Variants in ANO2 observed in about 807,000 individuals in gnomAD.
ANO2 encodes anoctamin-2.
Under a neutral mutation model 124.2 loss-of-function variants are expected in ANO2, and 101 were observed. The ratio of observed to expected loss-of-function variants is 0.81; its 90% CI spans 0.69 to 0.96. The LOEUF (loss-of-function observed/expected upper bound fraction) is 0.96. Among genes scored for constraint, ANO2 ranks in the 40% least tolerant of loss-of-function variants. The pLI, the probability that ANO2 is intolerant of heterozygous loss-of-function variation, is 0.00. For missense variants in ANO2, 1,293 were observed against 1,274.5 expected, an observed-to-expected ratio of 1.01 and a Z score of -0.22; for synonymous variants, 486 against 482.5, an observed-to-expected ratio of 1.01 and a Z score of -0.09.
intron 14 of ANO2, among the ~76,000 whole-genome samples, chr12:5,717,869 C>T (rs142143192): frequency 6.6e-6 from 1 of 152,240 alleles, no homozygotes; most frequent in South Asian, 2.1e-4. Flanking sequence ...GAACTGTTGA[C>T]TTACATCAGC....
Position 5,761,926 on chromosome 12 carries a change from C to T in ANO2, c.1056-10956G>A, listed in dbSNP as rs139551310. Among the ~76,000 whole-genome samples, 1,431 of 152,130 alleles carry T rather than the reference C, an allele frequency of 9.4e-3. 75 individuals carry two copies. Among genetic ancestry groups the T allele is most frequent in the Admixed American group, 0.085 (1,302 of 15,274 alleles). ...GCAATAATTGTCTCACATGTATGTG[C>T]TGCAAAAATAGTTAACAGGAAAATA... is the stretch of plus-strand genomic sequence containing the variant. On this transcript the variant is annotated intron_variant, in intron 10 of 24. Coordinates refer to ENST00000682330, the MANE Select transcript of ANO2 (RefSeq NM_001364791.2).
rs1333921445 is a variant in ANO2, at chr12:5,920,739, C to T, written c.534+301G>A. Among the ~76,000 whole-genome samples the T allele has an allele frequency of 5.9e-5, 9 of 152,000 alleles. No homozygotes were observed. In the South Asian group the frequency reaches 1.5e-3, roughly 25 times the overall value. ...AAAATTAGCTGGGTCTGGTGGCGGG[C>T]GCCTATAGTCCCAGCTACTCGGGAG... On this transcript the variant is annotated intron_variant, in intron 3 of 24. Transcript: ENST00000682330.
intron 11 of ANO2, among the ~76,000 whole-genome samples, chr12:5,746,015 A>T (rs1951256147): frequency 6.6e-6 from 1 of 152,206 alleles, no homozygotes; most frequent in South Asian, 2.1e-4. Flanking sequence ...CTAGTAAAAG[A>T]CGTTCGCTTT....
intron 17 of ANO2, 64 bp from the exon 18 acceptor site, chr12:5,613,022 T>G: frequency 6.6e-7 from 1 of 1,526,120 alleles, no homozygotes; most frequent in Non-Finnish European, 9.1e-7. Flanking sequence ...CTCAAGGACA[T>G]GTCTTCTGAG....
intron 14 of ANO2, among the ~76,000 whole-genome samples, chr12:5,716,692 T>C (rs778726619): frequency 6.6e-6 from 1 of 152,132 alleles, no homozygotes; most frequent in Non-Finnish European, 1.5e-5. Context: ...ATAATAAAAA[T>C]GAATTGGATG....
chr12:5,602,438 A>G (rs1188772468), intron 19 of ANO2, among the ~76,000 whole-genome samples: 6 of 149,260 alleles, frequency 4.0e-5, no homozygotes, highest in Non-Finnish European at 7.5e-5. Flanking sequence ...ATTTTTAGTA[A>G]AGACAGGGTT....
intron 14 of ANO2, among the ~76,000 whole-genome samples, chr12:5,665,967 A>G (rs930984169): frequency 2.6e-5 from 4 of 152,114 alleles, no homozygotes; most frequent in Non-Finnish European, 2.9e-5. Context: ...GAACACGCAC[A>G]AGGCAACTCT....
chr12:5,916,684 A>T (rs1307528961), intron 3 of ANO2, among the ~76,000 whole-genome samples: 2 of 151,684 alleles, frequency 1.3e-5, no homozygotes, highest in Non-Finnish European at 2.9e-5. Context: ...TTTTCTGTAC[A>T]TCTAAAACTG....
chr12:5,942,443 G>A (rs7398532), intron 1 of ANO2, among the ~76,000 whole-genome samples: 51,672 of 152,100 alleles, frequency 0.34, 11,033 homozygotes, highest in East Asian at 0.79. Context: ...CCATGAACTC[G>A]TGATATTTTA....
At chr12:5,569,934 C>T (rs1942002557) in intron 23 of ANO2, among the ~76,000 whole-genome samples, 1 of 152,120 alleles carries the variant, frequency 6.6e-6, no homozygotes, top group East Asian at 1.9e-4. Flanking sequence ...AAATTAATTA[C>T]TTTTACAATT....
In ANO2 at chr12:5,586,384, A is replaced by G. The variant is rs148611430; in HGVS notation, c.2234-7866T>C. ...GAAGATGGCAGGAGCCTCATTATCC[A>G]GTGGAATGACTCAGCGTGTGTAAAC... On this transcript the variant is annotated intron_variant, in intron 20 of 24. Coordinates refer to ENST00000682330, the MANE Select transcript of ANO2 (RefSeq NM_001364791.2). Among the ~76,000 whole-genome samples the G allele has an allele frequency of 1.2e-3, 188 of 152,350 alleles. 1 individual carries two copies. Among genetic ancestry groups the G allele is most frequent in the African/African-American group, 4.3e-3 (177 of 41,580 alleles).
rs956740371 is a variant in ANO2, at chr12:5,864,014, A to G, written c.535-9873T>C. ...AAAGGATTTTTTAAAGAGCAAGTGC[A>G]GGGATAGGCACTGTGAAATCTCTGC... On this transcript the variant is annotated intron_variant, in intron 3 of 24. Coordinates refer to ENST00000682330, the MANE Select transcript of ANO2 (RefSeq NM_001364791.2). 1.6e-4 allele frequency among the ~76,000 whole-genome samples: 25 copies of G among 152,236 alleles called. 1 individual carries two copies. The highest frequency in any genetic ancestry group is 3.7e-4 in the Non-Finnish European group (25 of 68,044).
At chr12:5,710,290 C>A (rs989095392) in intron 14 of ANO2, among the ~76,000 whole-genome samples, 8 of 152,174 alleles carry the variant, frequency 5.3e-5, no homozygotes, top group African/African-American at 1.9e-4. Flanking sequence ...AGAAAGAGGC[C>A]TGAGGCCTGA....
chr12:5,574,619 AT>A (rs1345499594), intron 23 of ANO2, among the ~76,000 whole-genome samples: 22 of 152,246 alleles, frequency 1.4e-4, no homozygotes, highest in Admixed American at 1.4e-3. Flanking sequence ...TTCATGTGAA[AT>A]AGCTCATCTT....
chr12:5,943,455 C>T (rs377080002), intron 1 of ANO2, among the ~76,000 whole-genome samples: 52 of 152,158 alleles, frequency 3.4e-4, no homozygotes, highest in African/African-American at 1.2e-3. Flanking sequence ...GGGAGTTATG[C>T]TATGAGGATG....
At chr12:5,661,542 A>C (rs1179216808) in intron 14 of ANO2, among the ~76,000 whole-genome samples, 2 of 152,110 alleles carry the variant, frequency 1.3e-5, no homozygotes, top group African/African-American at 4.8e-5. Context: ...ACAGGCCTTC[A>C]GCCCAGGAGG....
At chr12:5,651,477 A>G (rs451118) in intron 14 of ANO2, among the ~76,000 whole-genome samples, 63,786 of 151,572 alleles carry the variant, frequency 0.42, 15,504 homozygotes, top group African/African-American at 0.66. Flanking sequence ...CTGGAGTGCA[A>G]TTGCACAATC....
intron 9 of ANO2, among the ~76,000 whole-genome samples, chr12:5,801,455 G>A (rs1591633726): frequency 6.6e-6 from 1 of 152,170 alleles, no homozygotes; most frequent in South Asian, 2.1e-4. Flanking sequence ...ATTTCACGAG[G>A]AAATCTGTCA....
At chr12:5,826,004 CAT>C (rs1168402215) in intron 7 of ANO2, among the ~76,000 whole-genome samples, 1 of 152,220 alleles carries the variant, frequency 6.6e-6, no homozygotes, top group Non-Finnish European at 1.5e-5. Context: ...TGCCAATTGT[CAT>C]GAGTATTTCC....
Sources: allele counts gnomAD v4.1 joint callset (sites outside exome capture counted in the v4.1 genomes callset), GRCh38; gene constraint gnomAD v4.1.1; transcripts MANE v1.5; gene names NCBI Gene and HGNC (gene_info 2026-07-23, HGNC 2026-07-21).